The following RBMS3 variants were observed in gnomAD, a reference collection of about 807,000 sequenced individuals.
RBMS3 encodes the protein RNA-binding motif, single-stranded-interacting protein 3.
RBMS3 carries 27 observed loss-of-function variants against 66.8 expected under a neutral mutation model. That is an observed-to-expected ratio of 0.40 (90% CI 0.30 to 0.56). The LOEUF (loss-of-function observed/expected upper bound fraction) is 0.56. Among genes scored for constraint, RBMS3 ranks in the 20% least tolerant of loss-of-function variants. RBMS3 has a pLI of 0.40. For synonymous variants in RBMS3, 188 were observed against 183.0 expected (o/e 1.03, Z -0.22); for missense variants, 513 against 549.5 (o/e 0.93, Z 0.66).
intron 2 of RBMS3, among the ~76,000 whole-genome samples, chr3:29,479,969 A>T (rs993098977): frequency 6.6e-6 from 1 of 152,202 alleles, no homozygotes; most frequent in African/African-American, 2.4e-5. Flanking sequence ...TCAATACCTG[A>T]CTAGTTTCTG....
chr3:29,789,656 A>G (rs1418310465), intron 6 of RBMS3, among the ~76,000 whole-genome samples: 1 of 152,142 alleles, frequency 6.6e-6, no homozygotes, highest in Non-Finnish European at 1.5e-5. Context: ...TGAGGGAGTC[A>G]TTCCCACCAC....
chr3:29,977,995 T>C (rs1406357679), intron 12 of RBMS3, among the ~76,000 whole-genome samples: 1 of 152,102 alleles, frequency 6.6e-6, no homozygotes, highest in African/African-American at 2.4e-5. Flanking sequence ...AAGGGCAGAA[T>C]TGATATCACA....
At chr3:29,517,858 G>A (rs915828681) in intron 3 of RBMS3, among the ~76,000 whole-genome samples, 2 of 152,118 alleles carry the variant, frequency 1.3e-5, no homozygotes, top group African/African-American at 4.8e-5. Context: ...AAGGAAATGG[G>A]TACATACTGT....
intron 6 of RBMS3, among the ~76,000 whole-genome samples, chr3:29,816,596 ATCAAAGGTTCT>A (rs1353667857): frequency 1.3e-5 from 2 of 152,142 alleles, no homozygotes; most frequent in African/African-American, 4.8e-5. Flanking sequence ...AAGCCCAGAA[ATCAAAGGTTCT>A]TCTGGTGCTT....
intron 4 of RBMS3, among the ~76,000 whole-genome samples, chr3:29,684,665 A>G (rs1013050707): frequency 2.0e-5 from 3 of 152,136 alleles, no homozygotes; most frequent in Non-Finnish European, 4.4e-5. Flanking sequence ...CTTTTCACAT[A>G]TGATTGATCC....
chr3:29,635,836 C>T (rs930232077), intron 4 of RBMS3, among the ~76,000 whole-genome samples: 3 of 151,812 alleles, frequency 2.0e-5, no homozygotes, highest in African/African-American at 4.8e-5. Flanking sequence ...TCTCCTCCTC[C>T]GTCCCTTTCC....
chr3:29,435,896 A>AC (rs72355496), intron 2 of RBMS3, among the ~76,000 whole-genome samples: 54,782 of 151,004 alleles, frequency 0.36, 10,127 homozygotes, highest in East Asian at 0.44. Flanking sequence ...AATGGCGTGA[A>AC]CCAGGAGGCG....
At chr3:29,875,218 C>T (rs2059584768) in intron 7 of RBMS3, among the ~76,000 whole-genome samples, 1 of 151,852 alleles carries the variant, frequency 6.6e-6, no homozygotes, top group South Asian at 2.1e-4. Flanking sequence ...CAGAATTACC[C>T]CCACTAATGT....
chr3:29,325,485 A>G (rs2035267368), intron 1 of RBMS3, among the ~76,000 whole-genome samples: 1 of 151,740 alleles, frequency 6.6e-6, no homozygotes. Flanking sequence ...TTGAAAGAAA[A>G]CTATCCCATT....
chr3:29,456,216 G>A (rs943498608), intron 2 of RBMS3, among the ~76,000 whole-genome samples: 10 of 152,042 alleles, frequency 6.6e-5, no homozygotes, highest in African/African-American at 2.2e-4. Context: ...TTGAAGTAGA[G>A]TTTACTTTAA....
chr3:29,810,518 A>C (rs892328897), intron 6 of RBMS3, among the ~76,000 whole-genome samples: 2 of 152,288 alleles, frequency 1.3e-5, no homozygotes, highest in African/African-American at 2.4e-5. Flanking sequence ...ATTGTGAACC[A>C]CACAATGGAA....
chr3:29,816,282 GCACACACAGACACACACAGA>G (rs68142662), intron 6 of RBMS3, among the ~76,000 whole-genome samples: 4 of 148,682 alleles, frequency 2.7e-5, no homozygotes, highest in African/African-American at 1.0e-4. Flanking sequence ...CCCTGTGCGC[GCACACACAGACACACACAGA>G]CACACACAGA....
At chr3:29,981,671 A>G (rs1278341125) in intron 12 of RBMS3, among the ~76,000 whole-genome samples, 1 of 152,190 alleles carries the variant, frequency 6.6e-6, no homozygotes, top group Non-Finnish European at 1.5e-5. Flanking sequence ...CCTTTTCTGC[A>G]TCTATCGAGA....
intron 12 of RBMS3, among the ~76,000 whole-genome samples, chr3:29,972,184 T>C (rs1011465827): frequency 3.3e-5 from 5 of 151,840 alleles, no homozygotes; most frequent in African/African-American, 1.2e-4. Flanking sequence ...TTCTCCTTTC[T>C]ATTTTTTTTT....
At position 29,486,733 on chromosome 3, in the gene RBMS3, T is replaced by C. The variant is rs148538901; in HGVS notation, c.249-1708T>C. ...GCATGCCATTGACTATTGTTAACAG[T>C]CCAGTTGTGAGATGAAATCCACTAT... On this transcript the variant is annotated intron_variant, in intron 2 of 14. Transcript: ENST00000383767. Among the ~76,000 whole-genome samples the C allele has an allele frequency of 4.8e-3, 738 of 152,216 alleles. 5 individuals carry two copies. The highest frequency in any genetic ancestry group is 0.017 in the African/African-American group (703 of 41,546).
chr3:29,882,483 T>A (rs2059759466), intron 7 of RBMS3, among the ~76,000 whole-genome samples: 1 of 152,162 alleles, frequency 6.6e-6, no homozygotes, highest in Non-Finnish European at 1.5e-5. Context: ...AGTGCACCTC[T>A]GTTAACTTCT....
rs1559371626 is a variant in RBMS3, at chr3:29,450,928, CA to C, written c.248+16014del. ...ACACACACACACACACACACACACA[CA>C]CACCCCCCACACACACACATGGTGT... On this transcript the variant is annotated intron_variant, in intron 2 of 14. Coordinates refer to ENST00000383767, the MANE Select transcript of RBMS3 (RefSeq NM_001003793.3). Among the ~76,000 whole-genome samples, 288 of 99,354 alleles carry C rather than the reference CA, an allele frequency of 2.9e-3. 1 individual carries two copies. Among genetic ancestry groups the C allele is most frequent in the African/African-American group, 0.011 (252 of 22,006 alleles). 65.2% of individuals were successfully genotyped at this position (99,354 alleles called of 152,430 possible).
At chr3:29,726,201 C>T (rs760064800) in intron 4 of RBMS3, among the ~76,000 whole-genome samples, 1 of 151,976 alleles carries the variant, frequency 6.6e-6, no homozygotes, top group Non-Finnish European at 1.5e-5. Context: ...TACTGTTAGA[C>T]CATATCTCAA....
At chr3:29,928,114 CTG>C (rs1182890679) in intron 10 of RBMS3, among the ~76,000 whole-genome samples, 1 of 150,206 alleles carries the variant, frequency 6.7e-6, no homozygotes, top group African/African-American at 2.4e-5. Flanking sequence ...TCATTTAACA[CTG>C]TTTCCCTTAT....
Sources: gnomAD v4.1 joint callset for allele counts (sites outside exome capture counted in the v4.1 genomes callset) on GRCh38, gnomAD v4.1.1 for gene constraint, MANE v1.5 for transcripts, NCBI Gene and HGNC (gene_info 2026-07-23, HGNC 2026-07-21) for gene names.